TOX3: variants seen among roughly 807,000 people sequenced by gnomAD.
TOX3 encodes TOX high mobility group box family member 3, also known as CAG trinucleotide repeat-containing gene F9 protein.
TOX3 carries 22 observed loss-of-function variants against 64.3 expected under a neutral mutation model. The ratio of observed to expected loss-of-function variants is 0.34; its 90% CI spans 0.24 to 0.49. The LOEUF is 0.49. Ranked by LOEUF, TOX3 falls within the 20% of genes least tolerant of loss-of-function variation. TOX3 has a pLI of 0.99. For synonymous variants in TOX3, 291 were observed against 273.6 expected (o/e 1.06, Z -0.63); for missense variants, 661 against 714.4 (o/e 0.93, Z 0.85).
chr16:52,475,975 T>C (rs1298223740), intron 1 of TOX3, among the ~76,000 whole-genome samples: 4 of 152,228 alleles, frequency 2.6e-5, no homozygotes, highest in Non-Finnish European at 5.9e-5. Context: ...TAGACTAATA[T>C]GGAAATTCCT....
At chr16:52,462,154 A>T (rs1960710265) in intron 3 of TOX3, among the ~76,000 whole-genome samples, 1 of 152,152 alleles carries the variant, frequency 6.6e-6, no homozygotes, top group Non-Finnish European at 1.5e-5. Context: ...GGTCCATGTA[A>T]ATACCATGAC....
intron 1 of TOX3, among the ~76,000 whole-genome samples, chr16:52,499,699 A>G (rs1961951810): frequency 6.6e-6 from 1 of 152,232 alleles, no homozygotes; most frequent in African/African-American, 2.4e-5. Flanking sequence ...CCACCCCAGC[A>G]TACTCTCACC....
chr16:52,501,257 C>A (rs960835763), intron 1 of TOX3, among the ~76,000 whole-genome samples: 4 of 152,136 alleles, frequency 2.6e-5, no homozygotes, highest in African/African-American at 9.7e-5. Context: ...CATGGGCACC[C>A]AATTGCAACA....
chr16:52,547,056 G>T lies in TOX3; in HGVS notation c.-333C>A. 1 of 638,492 alleles carries T rather than the reference G, an allele frequency of 1.6e-6. No homozygotes were observed. The highest frequency in any genetic ancestry group is 1.9e-6 in the Non-Finnish European group (1 of 515,192). The allele number at this position is 638,492 out of a possible 1,614,324, so 39.6% of individuals were successfully genotyped here. ...CGGCGAGGCGAGTTCAGGTGCGCTG[G>T]GCGAGGCTGGGACGGCGGCGGCGGC... On this transcript the variant is annotated 5_prime_UTR_variant, in exon 1 of 7. Transcript: ENST00000219746.
rs373991607 is a variant in TOX3, at chr16:52,505,114, G to A, written c.88-36540C>T. On this transcript the variant is annotated intron_variant, in intron 1 of 6. Coordinates refer to ENST00000219746, the MANE Select transcript of TOX3 (RefSeq NM_001080430.4). ...CCCACAAAGTGCTGGGATTACAGGC[G>A]TGAACCACCGCACCCGGCCAAGAAG... 1.2e-4 allele frequency among the ~76,000 whole-genome samples: 18 copies of A among 152,144 alleles called. No homozygotes were observed. In the East Asian group the frequency reaches 1.9e-3, roughly 16 times the overall value.
intron 1 of TOX3, among the ~76,000 whole-genome samples, chr16:52,475,828 C>T (rs547831669): frequency 9.9e-5 from 15 of 152,222 alleles, no homozygotes; most frequent in East Asian, 3.9e-4. Flanking sequence ...GTTAAAAATG[C>T]GCATTACCCG....
intron 3 of TOX3, among the ~76,000 whole-genome samples, chr16:52,462,281 C>A (rs200020379): frequency 6.6e-6 from 1 of 152,096 alleles, no homozygotes; most frequent in Non-Finnish European, 1.5e-5. Flanking sequence ...TCCTCTTTCC[C>A]AACGCCAGTC....
At chr16:52,493,248 T>C (rs1449647307) in intron 1 of TOX3, among the ~76,000 whole-genome samples, 1 of 152,156 alleles carries the variant, frequency 6.6e-6, no homozygotes, top group Non-Finnish European at 1.5e-5. Context: ...CTGAGAACTC[T>C]TTCACCTTGG....
At chr16:52,500,906 C>A (rs1317531610) in intron 1 of TOX3, among the ~76,000 whole-genome samples, 1 of 152,182 alleles carries the variant, frequency 6.6e-6, no homozygotes, top group Non-Finnish European at 1.5e-5. Context: ...CAGTTACACA[C>A]AAGAAAGTCT....
chr16:52,480,825 C>T (rs576506343), intron 1 of TOX3, among the ~76,000 whole-genome samples: 11 of 152,140 alleles, frequency 7.2e-5, no homozygotes, highest in Non-Finnish European at 1.2e-4. Context: ...TGCACAGATG[C>T]AGATAAAGCC....
intron 1 of TOX3, among the ~76,000 whole-genome samples, chr16:52,503,485 T>A (rs1962061994): frequency 6.6e-6 from 1 of 152,170 alleles, no homozygotes; most frequent in African/African-American, 2.4e-5. Flanking sequence ...AATGATACTA[T>A]AAAAACACCC....
At chr16:52,480,194 A>G (rs1372746749) in intron 1 of TOX3, among the ~76,000 whole-genome samples, 1 of 152,224 alleles carries the variant, frequency 6.6e-6, no homozygotes, top group Non-Finnish European at 1.5e-5. Flanking sequence ...TGGCAGCTTC[A>G]ATGTGGTTAA....
intron 1 of TOX3, among the ~76,000 whole-genome samples, chr16:52,502,805 T>A (rs1962038598): frequency 6.6e-6 from 1 of 152,230 alleles, no homozygotes; most frequent in African/African-American, 2.4e-5. Flanking sequence ...TTGCATTAAG[T>A]ATAGCATTGG....
chr16:52,476,048 T>C (rs1040971685), intron 1 of TOX3, among the ~76,000 whole-genome samples: 3 of 152,218 alleles, frequency 2.0e-5, no homozygotes, highest in Admixed American at 6.5e-5. Flanking sequence ...GGCTGTTTTG[T>C]TGATAGCAAT....
chr16:52,451,079 G>A (rs1245712499), intron 3 of TOX3, among the ~76,000 whole-genome samples: 1 of 152,146 alleles, frequency 6.6e-6, no homozygotes, highest in Non-Finnish European at 1.5e-5. Flanking sequence ...CAGAGGATGG[G>A]CCAGCAAAGC....
At position 52,464,011 on chromosome 16, in the gene TOX3, G is replaced by C; in HGVS notation, c.331C>G (p.Leu111Val). 6.3e-7 allele frequency: 1 copy of C among 1,599,850 alleles called. No individual in the cohort carries two copies. Among genetic ancestry groups the C allele is most frequent in the Non-Finnish European group, 8.5e-7 (1 of 1,173,272 alleles). ...GAGATTGTAATGGAAGGGAGGTCCA[G>C]GCTTTGAGGGGGAAACTGGGGTGTG... is the stretch of plus-strand genomic sequence containing the variant. ...EFTPQFPPQSLDLPSITISRN... is the reference protein window; with the variant it reads ...EFTPQFPPQSVDLPSITISRN... The change falls in exon 3 of 7, where the codon CTG (leucine) becomes GTG (valine). Residue 111 changes from leucine (L) to valine (V), a missense_variant. Around this residue, in one of 3 missense-constraint regions of TOX3, gnomAD observed 259 missense variants for 261.2 expected, o/e 0.99. Transcript: ENST00000219746.
At chr16:52,483,591 C>CA (rs896530563) in intron 1 of TOX3, among the ~76,000 whole-genome samples, 3 of 92,452 alleles carry the variant, frequency 3.2e-5, no homozygotes, top group African/African-American at 1.3e-4. Flanking sequence ...TTTTTTGAGA[C>CA]AGAGTCTTGC....
chr16:52,520,587 A>G (rs749937939), intron 1 of TOX3, among the ~76,000 whole-genome samples: 2 of 152,238 alleles, frequency 1.3e-5, no homozygotes, highest in Non-Finnish European at 2.9e-5. Context: ...CCTTAGGGCC[A>G]GATGTATTTT....
At chr16:52,501,141 T>C (rs1011572698) in intron 1 of TOX3, among the ~76,000 whole-genome samples, 1 of 152,228 alleles carries the variant, frequency 6.6e-6, no homozygotes, top group African/African-American at 2.4e-5. Flanking sequence ...ACTGTACCCA[T>C]TCTACAGAGG....
Sources: gnomAD v4.1 joint callset for allele counts (sites outside exome capture counted in the v4.1 genomes callset) on GRCh38, gnomAD v4.1.1 for gene constraint, gnomAD v4.1.1 regional missense constraint, MANE v1.5 for transcripts, NCBI Gene and HGNC (gene_info 2026-07-23, HGNC 2026-07-21) for gene names.